Variants in ERG observed in about 807,000 individuals in gnomAD.
ERG encodes ETS transcription factor ERG, also known as transcriptional regulator ERG.
In ERG, 9 loss-of-function variants were observed where a neutral mutation model predicts 55.3. That is an observed-to-expected ratio of 0.16 (90% CI 0.10 to 0.28). ERG has a LOEUF of 0.28. Among genes scored for constraint, ERG ranks in the 10% least tolerant of loss-of-function variants. ERG has a pLI of 1.00. For synonymous variants in ERG, 223 were observed against 237.3 expected (o/e 0.94, Z 0.55); for missense variants, 434 against 631.6 (o/e 0.69, Z 3.35).
At chr21:38,436,167 AT>A (rs34522738) in intron 2 of ERG, among the ~76,000 whole-genome samples, 44 of 149,226 alleles carry the variant, frequency 2.9e-4, no homozygotes, top group African/African-American at 7.4e-4. Flanking sequence ...CACCTGGCTA[AT>A]TTTTTTTTTA....
chr21:38,407,843 A>G (rs1401917726), intron 3 of ERG, among the ~76,000 whole-genome samples: 1 of 147,470 alleles, frequency 6.8e-6, no homozygotes, highest in African/African-American at 2.5e-5. Context: ...AAACTACTAA[A>G]ATACTTTATA....
intron 2 of ERG, among the ~76,000 whole-genome samples, chr21:38,423,981 AAAAAG>A (rs56340509): frequency 8.6e-5 from 13 of 150,374 alleles, no homozygotes; most frequent in South Asian, 4.2e-4. Flanking sequence ...TCTCAAAACA[AAAAAG>A]AAAAGAAAAG....
At position 38,381,695 on chromosome 21, in the gene ERG, G is replaced by C; in HGVS notation, c.*1708C>G. On this transcript the variant is annotated 3_prime_UTR_variant, in exon 10 of 10. Coordinates refer to ENST00000288319, the MANE Select transcript of ERG (RefSeq NM_182918.4). The stretch of plus-strand genomic sequence containing the variant: ...TTTAATCATAGCAGGAATTAAGGGT[G>C]ATTTGTGACCAGGTGCTGAACTAGA... The C allele has an allele frequency of 9.4e-7, 1 of 1,063,658 alleles. No individual in the cohort carries two copies. Among genetic ancestry groups the C allele is most frequent in the Non-Finnish European group, 1.1e-6 (1 of 878,248 alleles). The allele number at this position is 1,063,658 out of a possible 1,614,324, so 65.9% of individuals were successfully genotyped here.
intron 1 of ERG, among the ~76,000 whole-genome samples, chr21:38,649,354 A>C (rs142655209): frequency 5.1e-4 from 78 of 152,218 alleles, no homozygotes; most frequent in African/African-American, 1.8e-3. Context: ...AACTGCAAGG[A>C]CCAAGCACAG....
chr21:38,533,660 A>G (rs1001638634), intron 2 of ERG, among the ~76,000 whole-genome samples: 1 of 152,230 alleles, frequency 6.6e-6, no homozygotes, highest in African/African-American at 2.4e-5. Flanking sequence ...CCTGGGGTAT[A>G]TCATGTGTTT....
chr21:38,545,102 T>C (rs554603768), intron 2 of ERG, among the ~76,000 whole-genome samples: 21 of 152,234 alleles, frequency 1.4e-4, no homozygotes, highest in African/African-American at 4.8e-4. Flanking sequence ...TTACATTCAC[T>C]CCTTAACTTC....
intron 1 of ERG, among the ~76,000 whole-genome samples, chr21:38,659,538 C>T (rs951831031): frequency 6.6e-6 from 1 of 152,184 alleles, no homozygotes; most frequent in Non-Finnish European, 1.5e-5. Flanking sequence ...CAAAAATAGT[C>T]CCAAAGGTAA....
intron 1 of ERG, among the ~76,000 whole-genome samples, chr21:38,576,876 C>T (rs1184952762): frequency 1.3e-5 from 2 of 152,166 alleles, no homozygotes; most frequent in Admixed American, 6.5e-5. Context: ...GGACCTCTCC[C>T]GTCATGGGGC....
intron 2 of ERG, among the ~76,000 whole-genome samples, chr21:38,432,753 T>C (rs1332715736): frequency 1.3e-5 from 2 of 152,146 alleles, no homozygotes; most frequent in South Asian, 2.1e-4. Context: ...TTGCCCAAGA[T>C]CACACAGCCA....
chr21:38,421,075 T>G lies in ERG; in HGVS notation c.388+2335A>C, dbSNP rs142643544. Among the ~76,000 whole-genome samples, 1,018 of 152,298 alleles carry G rather than the reference T, an allele frequency of 6.7e-3. 11 individuals are homozygous for G. The highest frequency in any genetic ancestry group is 0.015 in the Admixed American group (225 of 15,300). On this transcript the variant is annotated intron_variant, in intron 3 of 9. Transcript: ENST00000288319. ...CATCCTAGCCTTCGAGTTTTTCTTA[T>G]GTGCCACACATCTGGAGTGGGCACC... is the stretch of plus-strand genomic sequence containing the variant.
At chr21:38,469,836 A>G (rs1302727159) in intron 1 of ERG, among the ~76,000 whole-genome samples, 1 of 152,206 alleles carries the variant, frequency 6.6e-6, no homozygotes, top group Non-Finnish European at 1.5e-5. Context: ...ATGTTTACAC[A>G]TGTGATCTCA....
chr21:38,547,865 T>G (rs757887114), intron 2 of ERG, among the ~76,000 whole-genome samples: 2 of 152,092 alleles, frequency 1.3e-5, no homozygotes, highest in Non-Finnish European at 2.9e-5. Context: ...CACTGTTAAG[T>G]AGAGGCAATT....
intron 2 of ERG, among the ~76,000 whole-genome samples, chr21:38,555,657 CA>C (rs1413232906): frequency 6.6e-6 from 1 of 152,080 alleles, no homozygotes; most frequent in Non-Finnish European, 1.5e-5. Flanking sequence ...AAGAAAAATT[CA>C]AGTCCACATG....
intron 1 of ERG, among the ~76,000 whole-genome samples, chr21:38,450,642 T>G (rs924957789): frequency 6.6e-6 from 1 of 152,202 alleles, no homozygotes; most frequent in Non-Finnish European, 1.5e-5. Context: ...AAATAGCTTA[T>G]CCACCAAATA....
intron 2 of ERG, among the ~76,000 whole-genome samples, chr21:38,549,395 A>G (rs9977841): frequency 0.5 from 76,331 of 151,338 alleles, 20,482 homozygotes; most frequent in Non-Finnish European, 0.62. Flanking sequence ...CTAAACAGCT[A>G]GTTATCTTAC....
rs141520219 is a variant in ERG at position 38,632,321 on chromosome 21, G to A, written c.-150+29337C>T. Among the ~76,000 whole-genome samples the A allele has an allele frequency of 1.8e-3, 269 of 152,212 alleles. 2 individuals are homozygous for A. Among genetic ancestry groups the A allele is most frequent in the Admixed American group, 4.4e-3 (67 of 15,294 alleles). ...ATGCAGATTGAAAACACAAAGAGATGTCACCTCACACCCATTAGGATGAAC... is the reference window on the plus strand; with the variant it reads ...ATGCAGATTGAAAACACAAAGAGATATCACCTCACACCCATTAGGATGAAC... On this transcript the variant is annotated intron_variant, in intron 1 of 10. Coordinates refer to the ERG transcript ENST00000398910.
intron 1 of ERG, among the ~76,000 whole-genome samples, chr21:38,628,987 G>A (rs1318972602): frequency 6.6e-6 from 1 of 152,174 alleles, no homozygotes; most frequent in East Asian, 1.9e-4. Context: ...GCCGTTATCA[G>A]TATACTAGTA....
chr21:38,606,463 G>C (rs2146920460), intron 1 of ERG, among the ~76,000 whole-genome samples: 1 of 152,178 alleles, frequency 6.6e-6, no homozygotes, highest in Non-Finnish European at 1.5e-5. Context: ...CCTCACTGAA[G>C]ATAAGCTCAC....
chr21:38,491,065 T>C (rs540767466), intron 1 of ERG, among the ~76,000 whole-genome samples: 1 of 152,298 alleles, frequency 6.6e-6, no homozygotes, highest in South Asian at 2.1e-4. Flanking sequence ...CATACTTTTT[T>C]TTTCTTTTTA....
Sources: allele counts gnomAD v4.1 joint callset (sites outside exome capture counted in the v4.1 genomes callset), GRCh38; gene constraint gnomAD v4.1.1; transcripts MANE v1.5; gene names NCBI Gene and HGNC (gene_info 2026-07-23, HGNC 2026-07-21).